RGS7: variants seen among roughly 807,000 people sequenced by gnomAD.
The protein encoded by RGS7 is regulator of G protein signaling 7.
A neutral mutation model predicts 81.1 loss-of-function variants in RGS7; 27 were observed. That is an observed-to-expected ratio of 0.33 (90% CI 0.25 to 0.46). The LOEUF (loss-of-function observed/expected upper bound fraction) is 0.46, where lower values mean the gene tolerates loss of function less well. Ranked by LOEUF, RGS7 falls within the 20% of genes least tolerant of loss-of-function variation. The pLI, the probability that RGS7 is intolerant of heterozygous loss-of-function variation, is 1.00. For missense variants in RGS7, 396 were observed against 607.4 expected (o/e 0.65, Z 3.66); for synonymous variants, 208 against 207.7 (o/e 1.00, Z -0.01).
At chr1:240,919,696 G>C in intron 6 of RGS7, 1 of 589,424 alleles carries the variant, frequency 1.7e-6, no homozygotes, top group South Asian at 2.0e-5. Context: ...AGCTGAGGAA[G>C]CTCTTCATTG....
chr1:240,981,099 T>C (rs1006301376), intron 4 of RGS7, among the ~76,000 whole-genome samples: 1 of 151,640 alleles, frequency 6.6e-6, no homozygotes, highest in African/African-American at 2.4e-5. Context: ...CACCTTCAGG[T>C]TTTTTTTGTT....
intron 2 of RGS7, among the ~76,000 whole-genome samples, chr1:241,214,766 TTG>T (rs2074451081): frequency 6.6e-6 from 1 of 152,176 alleles, no homozygotes; most frequent in South Asian, 2.1e-4. Context: ...GCTTCTTTTG[TTG>T]TGTCTGGTCT....
intron 6 of RGS7, among the ~76,000 whole-genome samples, chr1:240,886,532 T>C (rs1667364263): frequency 6.6e-6 from 1 of 152,222 alleles, no homozygotes; most frequent in South Asian, 2.1e-4. Context: ...ACATATTTCA[T>C]TGAATATCTG....
At position 241,318,320 on chromosome 1, in the gene RGS7, A is replaced by G. The variant is rs1368183230; in HGVS notation, c.78+37379T>C. Among the ~76,000 whole-genome samples, 3 of 152,366 alleles carry G rather than the reference A, an allele frequency of 2.0e-5. No individual in the cohort carries two copies. In the East Asian group the frequency reaches 5.8e-4, roughly 29 times the overall value. On this transcript the variant is annotated intron_variant, in intron 2 of 18. Coordinates refer to ENST00000440928, the MANE Select transcript of RGS7 (RefSeq NM_001364886.1). ...ATAAAATGAGACTTGGTTGGAATCTATCACGTAGATGACATCAAAGAGCTC... is the reference window on the plus strand; with the variant it reads ...ATAAAATGAGACTTGGTTGGAATCTGTCACGTAGATGACATCAAAGAGCTC...
At chr1:241,334,760 GA>G (rs879582554) in intron 2 of RGS7, among the ~76,000 whole-genome samples, 102 of 151,108 alleles carry the variant, frequency 6.8e-4, no homozygotes, top group Admixed American at 1.3e-3. Flanking sequence ...GAAATTGCAA[GA>G]AAAAAAATAG....
At chr1:241,036,901 TAACAAG>T (rs2060358295) in intron 3 of RGS7, among the ~76,000 whole-genome samples, 1 of 152,100 alleles carries the variant, frequency 6.6e-6, no homozygotes, top group African/African-American at 2.4e-5. Flanking sequence ...TGCACTCCAC[TAACAAG>T]AATGGTGATT....
At chr1:241,214,952 A>G (rs1454845057) in intron 2 of RGS7, among the ~76,000 whole-genome samples, 1 of 151,940 alleles carries the variant, frequency 6.6e-6, no homozygotes, top group Non-Finnish European at 1.5e-5. Flanking sequence ...TTTCCTATGG[A>G]TTCTTTATGT....
At chr1:241,126,028 G>T (rs1293202923) in intron 2 of RGS7, among the ~76,000 whole-genome samples, 3 of 152,180 alleles carry the variant, frequency 2.0e-5, no homozygotes, top group Non-Finnish European at 2.9e-5. Context: ...TGGAGTCTTG[G>T]TGACCCCGTT....
chr1:240,800,823 A>G lies in RGS7; in HGVS notation c.1414-102T>C, dbSNP rs1032824953. ...ACAAAAAAAAGAATCTTACAAACAA[A>G]TATATATCATCAAAACACATGGCAA... is the stretch of plus-strand genomic sequence containing the variant. On this transcript the variant is annotated intron_variant, in intron 17 of 18. Coordinates refer to ENST00000440928, the MANE Select transcript of RGS7 (RefSeq NM_001364886.1). The G allele has an allele frequency of 7.0e-6, 4 of 569,534 alleles. No individual in the cohort carries two copies. The East Asian group carries it at 9.8e-5, about 14-fold the overall frequency. 35.3% of individuals were successfully genotyped at this position (569,534 alleles called of 1,614,324 possible).
intron 18 of RGS7, among the ~76,000 whole-genome samples, chr1:240,779,890 C>T (rs544654397): frequency 6.6e-6 from 1 of 152,106 alleles, no homozygotes; most frequent in Non-Finnish European, 1.5e-5. Context: ...ATTATATGCT[C>T]TCTTCATTAA....
intron 6 of RGS7, among the ~76,000 whole-genome samples, chr1:240,901,826 C>G (rs1012288089): frequency 6.6e-6 from 1 of 152,182 alleles, no homozygotes; most frequent in Non-Finnish European, 1.5e-5. Context: ...TTCTCCCAGA[C>G]CTCTGCAGGC....
chr1:240,964,880 C>T (rs1199990558), intron 4 of RGS7, among the ~76,000 whole-genome samples: 2 of 152,076 alleles, frequency 1.3e-5, no homozygotes, highest in African/African-American at 2.4e-5. Context: ...TTGTCTTTCC[C>T]GACACTCCAT....
intron 13 of RGS7, among the ~76,000 whole-genome samples, chr1:240,812,923 G>A (rs1265375249): frequency 1.3e-5 from 2 of 152,176 alleles, no homozygotes; most frequent in Non-Finnish European, 2.9e-5. Context: ...TTAGCTTGTG[G>A]AGGAAGAGTT....
At chr1:241,165,369 T>G (rs1412661745) in intron 2 of RGS7, among the ~76,000 whole-genome samples, 2 of 152,008 alleles carry the variant, frequency 1.3e-5, no homozygotes, top group East Asian at 3.9e-4. Flanking sequence ...TAGCAAAGAC[T>G]TGGAACCAAC....
chr1:241,349,431 T>A (rs1369385546), intron 2 of RGS7, among the ~76,000 whole-genome samples: 2 of 152,234 alleles, frequency 1.3e-5, no homozygotes, highest in Admixed American at 1.3e-4. Context: ...ACAATGTATC[T>A]TTCCAGATAG....
intron 2 of RGS7, among the ~76,000 whole-genome samples, chr1:241,270,277 G>A (rs1358420879): frequency 6.6e-6 from 1 of 152,100 alleles, no homozygotes; most frequent in African/African-American, 2.4e-5. Context: ...GTGGAGTGGG[G>A]CTCTCGGTCT....
In RGS7 at chr1:241,100,236, G is replaced by A. The variant is rs181498681; in HGVS notation, c.79-1474C>T. Among the ~76,000 whole-genome samples, 83 of 152,042 alleles carry A rather than the reference G, an allele frequency of 5.5e-4. 1 individual carries two copies. The East Asian group carries it at 0.015, about 27-fold the overall frequency. ...TAAAAATACAAAAAATTAGCCGGGC[G>A]CGGTGGCAGGCGCCTGTAGTCCCAG... On this transcript the variant is annotated intron_variant, in intron 2 of 18. Coordinates refer to ENST00000440928, the MANE Select transcript of RGS7 (RefSeq NM_001364886.1).
At chr1:240,942,793 T>C (rs577042918) in intron 4 of RGS7, among the ~76,000 whole-genome samples, 1 of 152,346 alleles carries the variant, frequency 6.6e-6, no homozygotes, top group East Asian at 1.9e-4. Context: ...GTGGTCATTT[T>C]AGAAATCCTT....
At chr1:241,354,938 C>A (rs1398421220) in intron 2 of RGS7, among the ~76,000 whole-genome samples, 1 of 152,200 alleles carries the variant, frequency 6.6e-6, no homozygotes, top group Non-Finnish European at 1.5e-5. Context: ...CAGAGTGAAG[C>A]TGCCTAAGCA....
Sources: gnomAD v4.1 joint callset for allele counts (sites outside exome capture counted in the v4.1 genomes callset) on GRCh38, gnomAD v4.1.1 for gene constraint, MANE v1.5 for transcripts, NCBI Gene and HGNC (gene_info 2026-07-23, HGNC 2026-07-21) for gene names.